C9orf85: variants seen among roughly 807,000 people sequenced by gnomAD.
C9orf85 encodes uncharacterized protein C9orf85.
Under a neutral mutation model 14.9 loss-of-function variants are expected in C9orf85, and 16 were observed. The ratio of observed to expected loss-of-function variants is 1.08; its 90% CI spans 0.73 to 1.63. The LOEUF (loss-of-function observed/expected upper bound fraction) is 1.63. Among genes scored for constraint, C9orf85 ranks in the 40% most tolerant of loss-of-function variants. The pLI is 0.00. For synonymous variants in C9orf85, 45 were observed against 56.8 expected (o/e 0.79, Z 0.93); for missense variants, 172 against 186.1 (o/e 0.92, Z 0.44).
At chr9:71,927,236 G>C (rs1225653747) in intron 1 of C9orf85, among the ~76,000 whole-genome samples, 2 of 147,108 alleles carry the variant, frequency 1.4e-5, no homozygotes, top group Admixed American at 6.9e-5. Flanking sequence ...CATATGTCAG[G>C]GCAAAAAATC....
At chr9:71,930,819 A>G (rs1828055176) in intron 1 of C9orf85, among the ~76,000 whole-genome samples, 1 of 144,944 alleles carries the variant, frequency 6.9e-6, no homozygotes, top group Admixed American at 6.9e-5. Flanking sequence ...AAAAAAAAAA[A>G]AAAAAAAAGA....
chr9:71,967,846 C>A (rs943504403), intron 2 of C9orf85, among the ~76,000 whole-genome samples: 3 of 150,146 alleles, frequency 2.0e-5, no homozygotes, highest in Non-Finnish European at 4.4e-5. Flanking sequence ...AGTCTTTCAT[C>A]ATTAAGTAGG....
intron 3 of C9orf85, among the ~76,000 whole-genome samples, chr9:71,980,518 G>A (rs914736047): frequency 3.3e-5 from 5 of 151,996 alleles, no homozygotes; most frequent in South Asian, 4.1e-4. Flanking sequence ...CAACATGTCC[G>A]CAAAGTCAGG....
chr9:71,916,030 A>C (rs1265761637), intron 1 of C9orf85, among the ~76,000 whole-genome samples: 2 of 152,236 alleles, frequency 1.3e-5, no homozygotes, highest in Admixed American at 6.5e-5. Context: ...CAAAATATAC[A>C]GTCACAGTCT....
chr9:71,971,696 A>G, intron 3 of C9orf85, 78 bp downstream of exon 3: 2 of 1,007,072 alleles, frequency 2.0e-6, no homozygotes, highest in Non-Finnish European at 3.1e-6. Flanking sequence ...GATCCTTGCT[A>G]GGCGCAGTGG....
chr9:71,979,805 T>C (rs1379041724), intron 3 of C9orf85, among the ~76,000 whole-genome samples: 1 of 152,198 alleles, frequency 6.6e-6, no homozygotes, highest in Non-Finnish European at 1.5e-5. Flanking sequence ...AAAAAATTGA[T>C]ATTTTAAAAT....
At position 71,971,495 on chromosome 9, in the gene C9orf85, T is replaced by G; in HGVS notation, c.210-10T>G. The stretch of plus-strand genomic sequence containing the variant: ...ACATAAATAAGTTAACATTTTATTT[T>G]TTATTTTAGTGTTAAATGTTTACAA... On this transcript the variant is annotated splice_polypyrimidine_tract_variant and intron_variant, in intron 2 of 3. Transcript: ENST00000334731. 1 of 1,443,746 alleles carries G rather than the reference T, an allele frequency of 6.9e-7. No homozygotes were observed. Among genetic ancestry groups the G allele is most frequent in the Non-Finnish European group, 9.5e-7 (1 of 1,048,552 alleles). 89.4% of individuals were successfully genotyped at this position (1,443,746 alleles called of 1,614,324 possible). A position where few individuals can be genotyped will look rare whatever the true frequency, so the allele number is the denominator to read the frequency against.
intron 1 of C9orf85, among the ~76,000 whole-genome samples, chr9:71,922,341 G>C (rs946343740): frequency 6.6e-6 from 1 of 152,000 alleles, no homozygotes; most frequent in Non-Finnish European, 1.5e-5. Flanking sequence ...ACCTTTCAAT[G>C]CTCCCTCCCC....
intron 2 of C9orf85, among the ~76,000 whole-genome samples, chr9:71,959,518 G>A (rs1446658287): frequency 6.6e-6 from 1 of 152,172 alleles, no homozygotes; most frequent in Non-Finnish European, 1.5e-5. Flanking sequence ...AGATAAGGAG[G>A]TAGCCTTAGA....
intron 1 of C9orf85, among the ~76,000 whole-genome samples, chr9:71,940,893 C>T (rs568317806): frequency 6.6e-6 from 1 of 152,252 alleles, no homozygotes; most frequent in Non-Finnish European, 1.5e-5. Flanking sequence ...GAATGAGCTC[C>T]TCAAATGGCT....
chr9:71,972,466 C>T (rs539391352), intron 3 of C9orf85, among the ~76,000 whole-genome samples: 8 of 152,292 alleles, frequency 5.3e-5, no homozygotes, highest in Admixed American at 2.6e-4. Flanking sequence ...GCCACGTTGG[C>T]CAGGCTGGTT....
downstream of C9orf85, chr9:71,984,705 T>G (rs1823176932): frequency 6.6e-6 from 1 of 152,298 alleles, no homozygotes; most frequent in Non-Finnish European, 1.5e-5. Flanking sequence ...CTGGCAGATG[T>G]GGGCCACAAC....
chr9:71,943,345 C>G (rs1159324678), intron 1 of C9orf85, among the ~76,000 whole-genome samples: 1 of 151,792 alleles, frequency 6.6e-6, no homozygotes, highest in African/African-American at 2.4e-5. Context: ...CAAAAAAAAC[C>G]TAAGGAAAAA....
chr9:71,923,710 A>T (rs908373330), intron 1 of C9orf85, among the ~76,000 whole-genome samples: 4 of 152,026 alleles, frequency 2.6e-5, no homozygotes, highest in African/African-American at 9.7e-5. Flanking sequence ...TTTTTATTAA[A>T]CCACCACCAC....
chr9:71,974,439 T>A (rs1822966310), downstream of C9orf85, among the ~76,000 whole-genome samples: 1 of 151,940 alleles, frequency 6.6e-6, no homozygotes, highest in African/African-American at 2.4e-5. Flanking sequence ...AGACGAAGTT[T>A]CACCATGTTG....
intron 1 of C9orf85, among the ~76,000 whole-genome samples, chr9:71,914,634 G>A (rs528958827): frequency 6.6e-6 from 1 of 152,330 alleles, no homozygotes; most frequent in African/African-American, 2.4e-5. Flanking sequence ...AAAGGACACA[G>A]ATGATAGCTT....
chr9:71,925,521 A>C (rs965761579), intron 1 of C9orf85, among the ~76,000 whole-genome samples: 1 of 152,246 alleles, frequency 6.6e-6, no homozygotes, highest in Admixed American at 6.5e-5. Flanking sequence ...GTCGGCAGAA[A>C]GCAGCATTAA....
At chr9:71,980,978 A>G (rs1823087003) in intron 3 of C9orf85, among the ~76,000 whole-genome samples, 1 of 152,226 alleles carries the variant, frequency 6.6e-6, no homozygotes, top group South Asian at 2.1e-4. Flanking sequence ...TAAGTGATTT[A>G]TGTGTGGGAA....
downstream of C9orf85, chr9:71,984,630 G>A (rs1156593213): frequency 2.0e-5 from 3 of 152,292 alleles, no homozygotes; most frequent in Admixed American, 2.0e-4. Context: ...AGCATAGCTA[G>A]GAGGACAGGC....
Sources: gnomAD v4.1 joint callset for allele counts (sites outside exome capture counted in the v4.1 genomes callset) on GRCh38, gnomAD v4.1.1 for gene constraint, MANE v1.5 for transcripts, NCBI Gene and HGNC (gene_info 2026-07-23, HGNC 2026-07-21) for gene names.